The following PRPSAP2 variants were observed in gnomAD, a reference collection of about 807,000 sequenced individuals.
PRPSAP2 encodes the protein phosphoribosyl pyrophosphate synthetase associated protein 2.
Under a neutral mutation model 40.6 loss-of-function variants are expected in PRPSAP2, and 24 were observed. That is an observed-to-expected ratio of 0.59 (90% CI 0.43 to 0.83). PRPSAP2 has a LOEUF of 0.83. PRPSAP2 is among the 40% of genes least tolerant of loss of function. PRPSAP2 has a pLI of 0.00. For missense variants in PRPSAP2, 292 were observed against 465.6 expected, an observed-to-expected ratio of 0.63 and a Z score of 3.43; for synonymous variants, 149 against 164.7, an observed-to-expected ratio of 0.90 and a Z score of 0.73.
rs2067364192 is a variant in PRPSAP2 at position 18,911,564 on chromosome 17, C to T, written c.733+313C>T. Reference sequence around the variant, plus strand: ...AGTGTAGTTTAACATAAGCAAAAAGCTTTTTATATACAAAGTTATTGACTG... The same window carrying T: ...AGTGTAGTTTAACATAAGCAAAAAGTTTTTTATATACAAAGTTATTGACTG... On this transcript the variant is annotated intron_variant, in intron 9 of 11. Coordinates refer to ENST00000268835, the MANE Select transcript of PRPSAP2 (RefSeq NM_002767.4). This position sits in a 1 kb window ranked among gnomAD's most constrained non-coding sequence, Gnocchi z 4.5. Among the ~76,000 whole-genome samples the T allele has an allele frequency of 6.6e-6, 1 of 150,556 alleles. No homozygotes were observed. The highest frequency in any genetic ancestry group is 1.5e-5 in the Non-Finnish European group (1 of 67,708).
intron 7 of PRPSAP2, among the ~76,000 whole-genome samples, chr17:18,883,253 C>T (rs1653689241): frequency 6.6e-6 from 1 of 152,032 alleles, no homozygotes; most frequent in South Asian, 2.1e-4. Context: ...ACCCTTGAAT[C>T]CTGGGATAAA....
intron 10 of PRPSAP2, among the ~76,000 whole-genome samples, chr17:18,925,481 A>G (rs553240221): frequency 6.6e-6 from 1 of 152,294 alleles, no homozygotes; most frequent in South Asian, 2.1e-4. Context: ...TTCTTGCTCA[A>G]CACTGTTATT....
intron 8 of PRPSAP2, among the ~76,000 whole-genome samples, chr17:18,891,579 G>A (rs2039546652): frequency 1.3e-5 from 2 of 152,178 alleles, no homozygotes; most frequent in Admixed American, 6.5e-5. Flanking sequence ...TTAAAAAAAT[G>A]TAGGTGAAAA....
chr17:18,921,236 AATAT>A (rs201458889), intron 9 of PRPSAP2, among the ~76,000 whole-genome samples: 3,633 of 152,260 alleles, frequency 0.024, 142 homozygotes, highest in African/African-American at 0.084. Flanking sequence ...TGTGGCAGGA[AATAT>A]ATGTGGATAA....
chr17:18,873,490 G>A (rs957983515), intron 5 of PRPSAP2, among the ~76,000 whole-genome samples: 8 of 152,124 alleles, frequency 5.3e-5, no homozygotes, highest in Non-Finnish European at 1.0e-4. Context: ...ACAGGCGTGA[G>A]CCACTGCGCC....
At chr17:18,908,219 C>T (rs925581592) in intron 8 of PRPSAP2, 25 of 689,084 alleles carry the variant, frequency 3.6e-5, no homozygotes, top group East Asian at 2.3e-4. Context: ...ACGGAGCCAG[C>T]GACGGGAGGC....
Position 18,885,429 on chromosome 17 carries a change from A to AAAAAAAAAAAAAAT in PRPSAP2, c.528+2746_528+2747insAAAAAAAAAAAAAT, listed in dbSNP as rs59891086. Among the ~76,000 whole-genome samples the AAAAAAAAAAAAAAT allele has an allele frequency of 3.7e-5, 4 of 109,274 alleles. 1 individual carries two copies. Among genetic ancestry groups the AAAAAAAAAAAAAAT allele is most frequent in the Non-Finnish European group, 7.4e-5 (4 of 53,726 alleles). The allele number at this position is 109,274 out of a possible 152,430, so 71.7% of individuals were successfully genotyped here. On this transcript the variant is annotated intron_variant, in intron 7 of 11. Transcript: ENST00000268835. ...AAAAAAAAAAAAAAAAAAAAAAAAA[A>AAAAAAAAAAAAAAT]TTAATATGTGGGAACTCAGTGTTAA...
rs372178152 is a variant in PRPSAP2 at position 18,905,739 on chromosome 17, C to T, written c.585-5364C>T. On this transcript the variant is annotated intron_variant, in intron 8 of 11. Transcript: ENST00000268835. ...GGGATTACAGGCATGTGCCACCACA[C>T]CCGGCTAATTTGTTTGTGTTTTTAG... 8.5e-5 allele frequency among the ~76,000 whole-genome samples: 13 copies of T among 152,268 alleles called. 1 individual carries two copies. The East Asian group carries it at 9.7e-4, about 11-fold the overall frequency.
chr17:18,900,026 A>G (rs570192439), intron 8 of PRPSAP2, among the ~76,000 whole-genome samples: 31 of 152,232 alleles, frequency 2.0e-4, no homozygotes, highest in Admixed American at 3.9e-4. Flanking sequence ...AGCTGGGATT[A>G]CAGGCATCTG....
In PRPSAP2 at chr17:18,911,977, G is replaced by A. The variant is rs544985532; in HGVS notation, c.733+726G>A. ...GCGGGTGAATCACCTGAGGTCAGGA[G>A]TTCGAGACCAGCCTGATCCACATGG... On this transcript the variant is annotated intron_variant, in intron 9 of 11. Coordinates refer to ENST00000268835, the MANE Select transcript of PRPSAP2 (RefSeq NM_002767.4). This position sits in a 1 kb window ranked among gnomAD's most constrained non-coding sequence, Gnocchi z 4.5. 4.6e-4 allele frequency among the ~76,000 whole-genome samples: 70 copies of A among 152,308 alleles called. No individual in the cohort carries two copies. Among genetic ancestry groups the A allele is most frequent in the African/African-American group, 1.6e-3 (68 of 41,572 alleles).
intron 8 of PRPSAP2, among the ~76,000 whole-genome samples, chr17:18,892,745 A>ATTT (rs1555554151): frequency 4.0e-5 from 5 of 125,768 alleles, no homozygotes; most frequent in Middle Eastern, 3.8e-3. Flanking sequence ...TTATTTATTT[A>ATTT]TTTTTTTGAG....
chr17:18,875,103 T>A (rs756270491), intron 5 of PRPSAP2, among the ~76,000 whole-genome samples: 2 of 152,200 alleles, frequency 1.3e-5, no homozygotes, highest in Non-Finnish European at 2.9e-5. Flanking sequence ...GTCAGTTTCA[T>A]ATTCCTCTAA....
Position 18,908,572 on chromosome 17 carries a change from C to G in PRPSAP2, c.585-2531C>G. The G allele has an allele frequency of 1.5e-5, 11 of 735,432 alleles. No homozygotes were observed. The South Asian group carries it at 1.6e-4, about 11-fold the overall frequency. The allele number at this position is 735,432 out of a possible 1,614,324, so 45.6% of individuals were successfully genotyped here. ...AGACCCTGAAGATCTGTGCTAACCA[C>G]TCTTCACGCTGATAATGGAGCTGAA... On this transcript the variant is annotated intron_variant, in intron 8 of 11. Coordinates refer to ENST00000268835, the MANE Select transcript of PRPSAP2 (RefSeq NM_002767.4).
upstream of PRPSAP2, chr17:18,858,014 G>GCTACACCCACTGCCCCGCGC (rs2036708862): frequency 6.6e-6 from 1 of 151,406 alleles, no homozygotes; most frequent in Non-Finnish European, 1.5e-5. Context: ...CACCCCTGTG[G>GCTACACCCACTGCCCCGCGC]CTACACCCAC....
rs1312944765 is a variant in PRPSAP2 at position 18,889,842 on chromosome 17, A to G, written c.549A>G (p.Ala183=). The part of the protein sequence containing the change: ...IQEEIPDYRN[A]VIVAKSPASA... Reference sequence around the variant, plus strand: ...CACAGATCCCAGATTACAGGAATGCAGTAATCGTGGCCAAGTCTCCAGCCT... The same window carrying G: ...CACAGATCCCAGATTACAGGAATGCGGTAATCGTGGCCAAGTCTCCAGCCT... The change falls in exon 8 of 12, where the codon GCA becomes GCG. Residue 183 remains alanine, a synonymous_variant. Transcript: ENST00000268835. 7 of 1,610,450 alleles carry G rather than the reference A, an allele frequency of 4.3e-6. No individual in the cohort carries two copies. In the African/African-American group the frequency reaches 6.7e-5, roughly 15 times the overall value.
At chr17:18,916,352 A>G (rs1041065092) in intron 9 of PRPSAP2, among the ~76,000 whole-genome samples, 1 of 151,364 alleles carries the variant, frequency 6.6e-6, no homozygotes, top group African/African-American at 2.4e-5. Flanking sequence ...TAAGGCTACT[A>G]TAACAAAATA....
rs899187619 is a variant in PRPSAP2 at position 18,911,968 on chromosome 17, A to G, written c.733+717A>G. Reference sequence around the variant, plus strand: ...GAGGCCGAGGCGGGTGAATCACCTGAGGTCAGGAGTTCGAGACCAGCCTGA... The same window carrying G: ...GAGGCCGAGGCGGGTGAATCACCTGGGGTCAGGAGTTCGAGACCAGCCTGA... On this transcript the variant is annotated intron_variant, in intron 9 of 11. Coordinates refer to ENST00000268835, the MANE Select transcript of PRPSAP2 (RefSeq NM_002767.4). The surrounding 1 kb of genome is among the most constrained non-coding windows in gnomAD (Gnocchi z 4.5). 6.6e-6 allele frequency among the ~76,000 whole-genome samples: 1 copy of G among 152,058 alleles called. No homozygotes were observed. The highest frequency in any genetic ancestry group is 1.5e-5 in the Non-Finnish European group (1 of 68,024).
At chr17:18,887,357 C>G (rs1203594366) in intron 7 of PRPSAP2, among the ~76,000 whole-genome samples, 1 of 152,088 alleles carries the variant, frequency 6.6e-6, no homozygotes, top group Non-Finnish European at 1.5e-5. Context: ...GCCTCAACCT[C>G]CTGAGTAACT....
Position 18,877,690 on chromosome 17 carries a change from T to C in PRPSAP2, c.240-8T>C. 1 of 1,597,880 alleles carries C rather than the reference T, an allele frequency of 6.3e-7. No individual in the cohort carries two copies. ...CCCTTGATGAGATTTGCTGTGTCTT[T>C]GTTACAGGGACGTGAACACCACCAT... On this transcript the variant is annotated splice_polypyrimidine_tract_variant and splice_region_variant and intron_variant, in intron 5 of 11. Coordinates refer to ENST00000268835, the MANE Select transcript of PRPSAP2 (RefSeq NM_002767.4).
Sources: allele counts gnomAD v4.1 joint callset (sites outside exome capture counted in the v4.1 genomes callset), GRCh38; gene constraint gnomAD v4.1.1; non-coding constraint Gnocchi (gnomAD v3.1); transcripts MANE v1.5; gene names NCBI Gene and HGNC (gene_info 2026-07-23, HGNC 2026-07-21).